The following TIPARP variants were observed in gnomAD, a reference collection of about 807,000 sequenced individuals.
TIPARP encodes protein mono-ADP-ribosyltransferase TIPARP.
Under a neutral mutation model 56.5 loss-of-function variants are expected in TIPARP, and 12 were observed. That is an observed-to-expected ratio of 0.21 (90% CI 0.14 to 0.34). TIPARP has a LOEUF of 0.34. Ranked by LOEUF, TIPARP falls within the 10% of genes least tolerant of loss-of-function variation. The pLI is 1.00. For missense variants in TIPARP, 604 were observed against 781.6 expected (o/e 0.77, Z 2.71); for synonymous variants, 296 against 265.7 (o/e 1.11, Z -1.11).
intron 2 of TIPARP, among the ~76,000 whole-genome samples, chr3:156,689,907 A>C (rs1179339775): frequency 6.6e-6 from 1 of 152,184 alleles, no homozygotes; most frequent in South Asian, 2.1e-4. Flanking sequence ...TTTCCAGCAG[A>C]GGTAAGCCAT....
intron 2 of TIPARP, among the ~76,000 whole-genome samples, chr3:156,684,762 T>C (rs911629486): frequency 6.6e-6 from 1 of 152,164 alleles, no homozygotes; most frequent in African/African-American, 2.4e-5. Flanking sequence ...CAAAACTAAA[T>C]AGGGCTTATT....
intron 4 of TIPARP, 108 bp from the exon 5 acceptor site, chr3:156,703,316 A>G: frequency 8.4e-7 from 1 of 1,194,660 alleles, no homozygotes; most frequent in Admixed American, 2.7e-5. Flanking sequence ...ATAAGCACTT[A>G]AGCTATACAG....
At chr3:156,676,060 T>C (rs1000521073) in intron 1 of TIPARP, among the ~76,000 whole-genome samples, 3 of 152,232 alleles carry the variant, frequency 2.0e-5, no homozygotes, top group African/African-American at 7.2e-5. Context: ...TTGGGTTTGA[T>C]AGGAGTGGTT....
intron 2 of TIPARP, among the ~76,000 whole-genome samples, chr3:156,684,888 A>G (rs1559972245): frequency 6.6e-6 from 1 of 152,258 alleles, no homozygotes; most frequent in East Asian, 1.9e-4. Context: ...ATCCACCTCA[A>G]TCCCTGACAC....
chr3:156,698,493 T>G (rs1722772864), intron 4 of TIPARP, among the ~76,000 whole-genome samples: 1 of 152,212 alleles, frequency 6.6e-6, no homozygotes, highest in Non-Finnish European at 1.5e-5. Context: ...AAAATTGTGC[T>G]AAATCTACTC....
chr3:156,703,619 T>C lies in TIPARP; in HGVS notation c.1443T>C (p.Phe481=). 7 of 1,614,198 alleles carry C rather than the reference T, an allele frequency of 4.3e-6. No individual in the cohort carries two copies. Among genetic ancestry groups the C allele is most frequent in the Non-Finnish European group, 5.1e-6 (6 of 1,180,016 alleles). The part of the protein sequence containing the change: ...DKSYRIIYNL[F]HKTVPEFKYR... ...GTTATCGGATCATTTACAATCTTTT[T>C]CATAAGACTGTGCCTGAGTTTAAAT... The change falls in exon 5 of 6, where the codon TTT becomes TTC. Residue 481 remains phenylalanine, a synonymous_variant. Coordinates refer to ENST00000295924, the MANE Select transcript of TIPARP (RefSeq NM_015508.5).
rs771313745 is a variant in TIPARP at position 156,704,949 on chromosome 3, A to C, written c.1792A>C (p.Met598Leu). The change falls in exon 6 of 6, where the codon ATG (methionine) becomes CTG (leucine). Residue 598 changes from methionine to leucine, a missense_variant. Physicochemically the swap from Met to Leu is conservative, Grantham distance 15. This residue lies in a region of TIPARP where 77 missense variants were observed against 161.0 expected (regional missense o/e 0.48). Coordinates refer to ENST00000295924, the MANE Select transcript of TIPARP (RefSeq NM_015508.5). ...CAAAGTGCTGACGGGCAGATACACA[A>C]TGGGCAGTCATGGCATGAGAAGGCC... ...LAKVLTGRYT[M>L]GSHGMRRPPP... is the part of the protein sequence containing the mutation. The C allele has an allele frequency of 8.4e-5, 136 of 1,614,090 alleles. No homozygotes were observed. Among genetic ancestry groups the C allele is most frequent in the Non-Finnish European group, 1.1e-4 (131 of 1,180,044 alleles).
intron 2 of TIPARP, 21 bp from the exon 3 acceptor site, chr3:156,693,993 GTTTTTT>G: frequency 6.4e-7 from 1 of 1,560,556 alleles, no homozygotes; most frequent in Non-Finnish European, 8.6e-7. Context: ...AGGTTTTTGG[GTTTTTT>G]TTGTTTTTGT....
In TIPARP at chr3:156,678,513, G is replaced by A. The variant is rs746495291; in HGVS notation, c.816G>A (p.Arg272=). Residue 272 remains arginine, a synonymous_variant, in exon 2 of 6, where the codon AGG becomes AGA. Transcript: ENST00000295924. ...TVLPYHWQIK[R]TTTQKWQSVF... is the part of the protein sequence containing the mutation. The stretch of plus-strand genomic sequence containing the variant: ...TGCCATATCATTGGCAGATCAAAAG[G>A]ACAACTACTCAAAAGTGGCAGAGTG... The A allele has an allele frequency of 1.5e-5, 25 of 1,614,170 alleles. No homozygotes were observed. The highest frequency in any genetic ancestry group is 2.0e-5 in the Non-Finnish European group (24 of 1,180,022).
intron 2 of TIPARP, among the ~76,000 whole-genome samples, chr3:156,682,373 G>A (rs771264853): frequency 8.5e-5 from 13 of 152,148 alleles, no homozygotes; most frequent in Non-Finnish European, 1.5e-4. Context: ...AAAAGAGGGA[G>A]CTTTAGTTGC....
At chr3:156,687,521 G>C (rs1378431349) in intron 2 of TIPARP, among the ~76,000 whole-genome samples, 1 of 152,118 alleles carries the variant, frequency 6.6e-6, no homozygotes, top group Non-Finnish European at 1.5e-5. Context: ...TGCTTTTAGT[G>C]GTTGCATTGG....
At chr3:156,675,936 T>A (rs1722113936) in intron 1 of TIPARP, among the ~76,000 whole-genome samples, 1 of 152,222 alleles carries the variant, frequency 6.6e-6, no homozygotes, top group South Asian at 2.1e-4. Context: ...CTCCCAGTTT[T>A]GTTTCCGAGT....
chr3:156,692,522 G>A (rs2108493454), intron 2 of TIPARP, among the ~76,000 whole-genome samples: 1 of 152,010 alleles, frequency 6.6e-6, no homozygotes, highest in African/African-American at 2.4e-5. Context: ...TTGTTTTTGA[G>A]ACCATATCCA....
chr3:156,699,606 A>C (rs1366393699), intron 4 of TIPARP, among the ~76,000 whole-genome samples: 2 of 152,158 alleles, frequency 1.3e-5, no homozygotes, highest in African/African-American at 4.8e-5. Flanking sequence ...TTTTATATGC[A>C]CTGGGATACT....
chr3:156,694,716 A>G (rs1313712655), intron 3 of TIPARP, among the ~76,000 whole-genome samples: 5 of 152,232 alleles, frequency 3.3e-5, no homozygotes, highest in African/African-American at 1.2e-4. Flanking sequence ...AGACAGTGAT[A>G]ATAGCCCTTC....
intron 4 of TIPARP, among the ~76,000 whole-genome samples, chr3:156,696,960 C>A (rs1722730949): frequency 6.6e-6 from 1 of 152,074 alleles, no homozygotes; most frequent in African/African-American, 2.4e-5. Context: ...ATGAGAAAAT[C>A]TTAGTGATTC....
Position 156,678,304 on chromosome 3 carries a change from A to G in TIPARP, c.607A>G (p.Ser203Gly). ...SFTIQYILDT[S>G]DKLSTELFQD... Reference sequence around the variant, plus strand: ...TACAATCCAATACATTCTGGACACCAGTGATAAGCTGAGTACTGAGCTCTT... The same window carrying G: ...TACAATCCAATACATTCTGGACACCGGTGATAAGCTGAGTACTGAGCTCTT... The change falls in exon 2 of 6, where the codon AGT becomes GGT. Residue 203 changes from serine (S) to glycine (G), a missense_variant. Transcript: ENST00000295924. 1.2e-6 allele frequency: 2 copies of G among 1,614,220 alleles called. No homozygotes were observed. Among genetic ancestry groups the G allele is most frequent in the South Asian group, 1.1e-5 (1 of 91,088 alleles).
At chr3:156,695,720 G>C in intron 3 of TIPARP, 145 bp from the exon 4 acceptor site, 2 of 1,137,900 alleles carry the variant, frequency 1.8e-6, no homozygotes, top group Non-Finnish European at 2.3e-6. Context: ...AAAAATCTTA[G>C]CATATAAAGG....
chr3:156,677,977 A>G lies in TIPARP; in HGVS notation c.280A>G (p.Met94Val). 2.5e-6 allele frequency: 4 copies of G among 1,614,170 alleles called. No homozygotes were observed. The highest frequency in any genetic ancestry group is 2.5e-6 in the Non-Finnish European group (3 of 1,180,036). The stretch of plus-strand genomic sequence containing the variant: ...ACATGAACCTATGATGAAGAAAGCC[A>G]TGGAAATCAATTCATCATGCCCACC... ...SLHEPMMKKA[M>V]EINSSCPPAE... Residue 94 changes from methionine to valine, a missense_variant, in exon 2 of 6, where the codon ATG (methionine) becomes GTG (valine). Met to Val is a conservative substitution (Grantham distance 21). Coordinates refer to ENST00000295924, the MANE Select transcript of TIPARP (RefSeq NM_015508.5).
Sources: gnomAD v4.1 joint callset for allele counts (sites outside exome capture counted in the v4.1 genomes callset) on GRCh38, gnomAD v4.1.1 for gene constraint, gnomAD v4.1.1 regional missense constraint, MANE v1.5 for transcripts, NCBI Gene and HGNC (gene_info 2026-07-23, HGNC 2026-07-21) for gene names.